PELP1: variants seen among roughly 807,000 people sequenced by gnomAD.
The protein encoded by PELP1 is proline-, glutamic acid- and leucine-rich protein 1.
A neutral mutation model predicts 95.5 loss-of-function variants in PELP1; 32 were observed. The observed-to-expected ratio is 0.34, with a 90% CI of 0.25 to 0.45. The LOEUF (loss-of-function observed/expected upper bound fraction) is 0.45. PELP1 is among the 20% of genes least tolerant of loss of function. The probability of loss-of-function intolerance (pLI) is 1.00; values close to 1 mark genes in which losing one functional copy is unlikely to be tolerated. For missense variants in PELP1, 1,358 were observed against 1,444.8 expected (o/e 0.94, Z 0.97); for synonymous variants, 668 against 600.1 (o/e 1.11, Z -1.65).
intron 3 of PELP1, among the ~76,000 whole-genome samples, chr17:4,688,116 C>G (rs1026752835): frequency 1.3e-5 from 2 of 152,188 alleles, no homozygotes; most frequent in Non-Finnish European, 2.9e-5. Flanking sequence ...AGTCAGATCA[C>G]CTGAGGTCAG....
chr17:4,703,989 A>C lies in PELP1; in HGVS notation c.123T>G (p.Val41=), dbSNP rs1913666483. 2 of 1,613,518 alleles carry C rather than the reference A, an allele frequency of 1.2e-6. No homozygotes were observed. Among genetic ancestry groups the C allele is most frequent in the Non-Finnish European group, 1.7e-6 (2 of 1,179,730 alleles). Residue 41 remains valine, a synonymous_variant, in exon 1 of 17, where the codon GTT becomes GTG. Coordinates refer to ENST00000572293, the MANE Select transcript of PELP1 (RefSeq NM_014389.3). ...PRLRLLLLES[V]SGLLQPRTGS... ...CCGTTCGAGGTTGCAGCAAACCAGAAACACTCTCCAGCAGCAGCAGGCGGA... is the reference window on the plus strand; with the variant it reads ...CCGTTCGAGGTTGCAGCAAACCAGACACACTCTCCAGCAGCAGCAGGCGGA...
Position 4,687,326 on chromosome 17 carries a change from T to C in PELP1, c.420+3562A>G, listed in dbSNP as rs796529251. Among the ~76,000 whole-genome samples the C allele has an allele frequency of 5.1e-4, 77 of 152,208 alleles. 1 individual carries two copies. The highest frequency in any genetic ancestry group is 1.5e-3 in the African/African-American group (64 of 41,540). Reference sequence around the variant, plus strand: ...CTGGGAGGCCAAGGTGGGCAGATCATGAGGTCAGGAGATCGAGATCATCCT... The same window carrying C: ...CTGGGAGGCCAAGGTGGGCAGATCACGAGGTCAGGAGATCGAGATCATCCT... On this transcript the variant is annotated intron_variant, in intron 3 of 16. Coordinates refer to ENST00000572293, the MANE Select transcript of PELP1 (RefSeq NM_014389.3).
intron 1 of PELP1, 112 bp from the exon 2 acceptor site, chr17:4,691,554 TC>T: frequency 2.6e-6 from 2 of 756,162 alleles, no homozygotes; most frequent in Non-Finnish European, 4.6e-6. Context: ...AAGTCACATC[TC>T]CTCTGAGGCC....
Position 4,672,840 on chromosome 17 carries a change from C to T in PELP1, c.2151G>A (p.Val717=), listed in dbSNP as rs776472829. The change falls in exon 16 of 17, where the codon GTG becomes GTA. Residue 717 remains valine, a synonymous_variant. Coordinates refer to ENST00000572293, the MANE Select transcript of PELP1 (RefSeq NM_014389.3). ...NHLGLSVPGL[V]SVPPRLLPGP... ...CAGGAAGAAGCCGGGGAGGGACAGA[C>T]ACTAGGCCTGGGACAGAAAGGCCTA... 6.2e-6 allele frequency: 10 copies of T among 1,613,820 alleles called. No individual in the cohort carries two copies. The highest frequency in any genetic ancestry group is 2.2e-5 in the South Asian group (2 of 91,076).
Position 4,682,954 on chromosome 17 carries a change from TA to T in PELP1, c.421-3del. 7.4e-7 allele frequency: 1 copy of T among 1,349,496 alleles called. No homozygotes were observed. 83.6% of individuals were successfully genotyped at this position (1,349,496 alleles called of 1,614,324 possible). A position where few individuals can be genotyped will look rare whatever the true frequency, so the allele number is the denominator to read the frequency against. ...CATTGTGGCAGGCGGGTCCTGGGTC[TA>T]AAGAAAAAAATAATGTCTCGTGCTT... On this transcript the variant is annotated splice_polypyrimidine_tract_variant and splice_region_variant and intron_variant, in intron 3 of 16. Transcript: ENST00000572293.
rs1912246002 is a variant in PELP1 at position 4,672,289 on chromosome 17, T to C, written c.2702A>G (p.Glu901Gly). ...GTCTTCCTCCTCTTCCTCTTCTTCC[T>C]CTTCTTCTTCTTCCTCTTCTTCCTC... ...EEEEEEEEEE[E>G]EEEEEEEDFE... The change falls in exon 16 of 17, where the codon GAG (glutamate) becomes GGG (glycine). Residue 901 changes from glutamate (E) to glycine (G), a missense_variant. Glu to Gly is a moderately conservative substitution (Grantham distance 98). This residue lies in a region of PELP1 where 283 missense variants were observed against 284.1 expected (regional missense o/e 1.00). Coordinates refer to ENST00000572293, the MANE Select transcript of PELP1 (RefSeq NM_014389.3). The C allele has an allele frequency of 6.5e-7, 1 of 1,542,546 alleles. No homozygotes were observed. The highest frequency in any genetic ancestry group is 1.4e-5 in the African/African-American group (1 of 71,452).
In PELP1 at chr17:4,672,682, T is replaced by C. The variant is rs756727851; in HGVS notation, c.2309A>G (p.Lys770Arg). The change falls in exon 16 of 17, where the codon AAG becomes AGG. Residue 770 changes from lysine (K) to arginine (R), a missense_variant. Around this residue, in one of 7 missense-constraint regions of PELP1, gnomAD observed 340 missense variants for 322.9 expected, o/e 1.05. Coordinates refer to ENST00000572293, the MANE Select transcript of PELP1 (RefSeq NM_014389.3). ...GATCTCCACATCAGATGCCTCCTCC[T>C]TGTCATAGTGGACAAAGGCTGGTCT... ...VPRPAFVHYD[K>R]EEASDVEISL... 1 of 1,613,604 alleles carries C rather than the reference T, an allele frequency of 6.2e-7. No individual in the cohort carries two copies. Among genetic ancestry groups the C allele is most frequent in the Non-Finnish European group, 8.5e-7 (1 of 1,179,738 alleles).
chr17:4,700,062 C>A (rs1380437309), intron 1 of PELP1, among the ~76,000 whole-genome samples: 1 of 152,030 alleles, frequency 6.6e-6, no homozygotes, highest in Non-Finnish European at 1.5e-5. Flanking sequence ...ATGCCTGCCA[C>A]TGCGCCTGGC....
At position 4,685,298 on chromosome 17, in the gene PELP1, G is replaced by A. The variant is rs548258194; in HGVS notation, c.421-2346C>T. ...CTCCCTCGTCCCTCAAGTAGTCTTC[G>A]CTTGGCCCCCCCAGCCCGCAATCCC... On this transcript the variant is annotated intron_variant, in intron 3 of 16. Coordinates refer to ENST00000572293, the MANE Select transcript of PELP1 (RefSeq NM_014389.3). Among the ~76,000 whole-genome samples the A allele has an allele frequency of 2.5e-3, 378 of 152,152 alleles. 3 individuals carry two copies. The highest frequency in any genetic ancestry group is 4.0e-3 in the Admixed American group (61 of 15,274).
chr17:4,672,088 G>C lies in PELP1; in HGVS notation c.2903C>G (p.Ala968Gly). ...EEVEDLEFGTAGGEVEEGAPP... is the reference protein window; with the variant it reads ...EEVEDLEFGTGGGEVEEGAPP... ...TGCACCTTCTTCTACCTCCCCTCCT[G>C]CTGTGCCAAACTCCAGGTCTTCCAC... The change falls in exon 16 of 17, where the codon GCA (alanine) becomes GGA (glycine). Residue 968 changes from alanine to glycine, a missense_variant. Physicochemically the swap from Ala to Gly is moderately conservative, Grantham distance 60 (BLOSUM62 0). Coordinates refer to ENST00000572293, the MANE Select transcript of PELP1 (RefSeq NM_014389.3). 6.4e-7 allele frequency: 1 copy of C among 1,555,168 alleles called. No individual in the cohort carries two copies. Among genetic ancestry groups the C allele is most frequent in the Non-Finnish European group, 8.7e-7 (1 of 1,148,966 alleles).
intron 12 of PELP1, 68 bp from the exon 13 acceptor site, chr17:4,674,737 G>C: frequency 2.5e-6 from 4 of 1,587,258 alleles, no homozygotes; most frequent in Non-Finnish European, 3.4e-6. Flanking sequence ...ACAGCAGACA[G>C]TGTTTCCTGA....
At chr17:4,698,694 A>G (rs982175316) in intron 1 of PELP1, among the ~76,000 whole-genome samples, 2 of 151,512 alleles carry the variant, frequency 1.3e-5, no homozygotes, top group Non-Finnish European at 2.9e-5. Flanking sequence ...ACTAAATGCA[A>G]CATGTGATCC....
In PELP1 at chr17:4,674,653, C is replaced by A; in HGVS notation, c.1439G>T (p.Gly480Val). Reference sequence around the variant, plus strand: ...AGTCTGCAAACTCCCATCAGGGCTCCCCCGCGGGCTACGCAGCTGGAGGCA... The same window carrying A: ...AGTCTGCAAACTCCCATCAGGGCTCACCCGCGGGCTACGCAGCTGGAGGCA... ...ADALKLRSPR[G>V]SPDGSLQTGK... Residue 480 changes from glycine (G) to valine (V), a missense_variant, in exon 13 of 17, where the codon GGG becomes GTG. Transcript: ENST00000572293. 1 of 1,597,592 alleles carries A rather than the reference C, an allele frequency of 6.3e-7. No individual in the cohort carries two copies. Among genetic ancestry groups the A allele is most frequent in the Non-Finnish European group, 8.5e-7 (1 of 1,175,424 alleles).
intron 1 of PELP1, among the ~76,000 whole-genome samples, chr17:4,693,599 G>A (rs952270700): frequency 3.3e-5 from 5 of 152,084 alleles, no homozygotes; most frequent in African/African-American, 7.2e-5. Context: ...CTGCAATACC[G>A]CCACAGTGGA....
Position 4,673,087 on chromosome 17 carries a change from AC to A in PELP1, c.1903del (p.Val635PhefsTer75). 1 of 1,522,186 alleles carries A rather than the reference AC, an allele frequency of 6.6e-7. No homozygotes were observed. The allele number at this position is 1,522,186 out of a possible 1,614,324, so 94.3% of individuals were successfully genotyped here. A position where few individuals can be genotyped will look rare whatever the true frequency, so the allele number is the denominator to read the frequency against. On this transcript the variant is annotated frameshift_variant, in exon 16 of 17. Transcript: ENST00000572293. LOFTEE classifies it high-confidence loss of function. This position sits in a 1 kb window ranked among gnomAD's most constrained non-coding sequence, Gnocchi z 5.7. ...GGGGCCCATGGGCTGCAGGGGAGGA[AC>A]CCGGGGGTGGGTCAGAGCAGCACAG... ...VTCAALTHPRVPPLQPMGPTC... is the reference protein window; with the variant it reads ...VTCAALTHPRXPPLQPMGPTC...
In PELP1 at chr17:4,704,096, G is replaced by C. The variant is rs765717391; in HGVS notation, c.16C>G (p.Leu6Val). The change falls in exon 1 of 17, where the codon CTG becomes GTG. Residue 6 changes from leucine (L) to valine (V), a missense_variant. Transcript: ENST00000572293. MAAAV[L>V]SGPSAGSAAG... Reference sequence around the variant, plus strand: ...GCGGAGCCCGCAGAGGGCCCACTCAGAACGGCTGCCGCCATCTTCCCCCGG... The same window carrying C: ...GCGGAGCCCGCAGAGGGCCCACTCACAACGGCTGCCGCCATCTTCCCCCGG... The C allele has an allele frequency of 1.9e-6, 3 of 1,608,170 alleles. No homozygotes were observed. The highest frequency in any genetic ancestry group is 2.5e-6 in the Non-Finnish European group (3 of 1,178,290).
chr17:4,696,934 C>T (rs4790684), intron 1 of PELP1: 148,621 of 152,006 alleles, frequency 0.98, 72,737 homozygotes, highest in Middle Eastern at 1. Flanking sequence ...CAATAGGGAG[C>T]TCAGTTTCAG....
At position 4,673,164 on chromosome 17, in the gene PELP1, G is replaced by C. The variant is rs935581314; in HGVS notation, c.1846-19C>G. ...AGGAGACCTGAGGAAAGAAGAAAGG[G>C]CAAGTGTGAGCACCAGAAATACTGG... On this transcript the variant is annotated intron_variant, in intron 15 of 16. Transcript: ENST00000572293. The surrounding 1 kb of genome is among the most constrained non-coding windows in gnomAD (Gnocchi z 5.7). The C allele has an allele frequency of 1.3e-6, 2 of 1,509,832 alleles. No homozygotes were observed. Among genetic ancestry groups the C allele is most frequent in the African/African-American group, 2.8e-5 (2 of 71,916 alleles). 93.5% of individuals were successfully genotyped at this position (1,509,832 alleles called of 1,614,324 possible).
chr17:4,682,941 C>T lies in PELP1; in HGVS notation c.432G>A (p.Pro144=), dbSNP rs377442278. 1.2e-4 allele frequency: 180 copies of T among 1,457,170 alleles called. No individual in the cohort carries two copies. Among genetic ancestry groups the T allele is most frequent in the African/African-American group, 8.1e-4 (46 of 56,670 alleles). 90.3% of individuals were successfully genotyped at this position (1,457,170 alleles called of 1,614,324 possible). ...SIQQVLQTQD[P]PATMELAVAV... ...CCACGGCCAGCTCCATTGTGGCAGGCGGGTCCTGGGTCTAAAGAAAAAAAT... is the reference window on the plus strand; with the variant it reads ...CCACGGCCAGCTCCATTGTGGCAGGTGGGTCCTGGGTCTAAAGAAAAAAAT... Residue 144 remains proline (P), a synonymous_variant, in exon 4 of 17, where the codon CCG becomes CCA. Coordinates refer to ENST00000572293, the MANE Select transcript of PELP1 (RefSeq NM_014389.3).
Sources: gnomAD v4.1 joint callset for allele counts (sites outside exome capture counted in the v4.1 genomes callset) on GRCh38, gnomAD v4.1.1 for gene constraint, gnomAD v4.1.1 regional missense constraint, Gnocchi (gnomAD v3.1) non-coding constraint, MANE v1.5 for transcripts, NCBI Gene and HGNC (gene_info 2026-07-23, HGNC 2026-07-21) for gene names.